SGCG: variants seen among roughly 807,000 people sequenced by gnomAD.
SGCG encodes gamma-sarcoglycan.
Under a neutral mutation model 29.3 loss-of-function variants are expected in SGCG, and 26 were observed. That is an observed-to-expected ratio of 0.89 (90% CI 0.65 to 1.23). SGCG has a LOEUF of 1.23. SGCG is among the 50% of genes most tolerant of loss of function. The probability of loss-of-function intolerance (pLI) is 0.00; values close to 1 mark genes in which losing one functional copy is unlikely to be tolerated. For missense variants in SGCG, 353 were observed against 356.0 expected (o/e 0.99, Z 0.07); for synonymous variants, 145 against 129.7 (o/e 1.12, Z -0.80).
chr13:23,321,278 C>T (rs1255285922), intron 7 of SGCG, among the ~76,000 whole-genome samples: 13 of 152,104 alleles, frequency 8.5e-5, no homozygotes, highest in Admixed American at 8.5e-4. Context: ...ATACAGTTGT[C>T]CCCCTTTATT....
chr13:23,260,829 A>C (rs7399658), intron 4 of SGCG, among the ~76,000 whole-genome samples: 10 of 151,976 alleles, frequency 6.6e-5, no homozygotes. Flanking sequence ...TTCTGGGTTG[A>C]AAATTCTTTT....
intron 6 of SGCG, among the ~76,000 whole-genome samples, chr13:23,319,373 C>A (rs1276176687): frequency 6.6e-6 from 1 of 151,798 alleles, no homozygotes; most frequent in Non-Finnish European, 1.5e-5. Context: ...CCAAAGTGTT[C>A]CCCAGCCTAA....
intron 6 of SGCG, among the ~76,000 whole-genome samples, chr13:23,302,045 A>G (rs549606922): frequency 2.0e-5 from 3 of 152,246 alleles, no homozygotes; most frequent in South Asian, 4.1e-4. Context: ...TTTAAAACGT[A>G]CGGATGGAAT....
chr13:23,296,721 T>G (rs1012315913), intron 6 of SGCG, among the ~76,000 whole-genome samples: 1 of 152,170 alleles, frequency 6.6e-6, no homozygotes. Flanking sequence ...TTAGCATACT[T>G]TCCTCACCCT....
chr13:23,212,656 G>A (rs1878270742), intron 2 of SGCG, among the ~76,000 whole-genome samples: 1 of 152,178 alleles, frequency 6.6e-6, no homozygotes, highest in Admixed American at 6.5e-5. Context: ...AAATTAGACA[G>A]GATGTGAAAG....
intron 3 of SGCG, among the ~76,000 whole-genome samples, chr13:23,243,194 C>T (rs1404684739): frequency 6.6e-6 from 1 of 152,158 alleles, no homozygotes; most frequent in Non-Finnish European, 1.5e-5. Context: ...CTAATAGGAG[C>T]TTTTAGTCTC....
rs568050850 is a variant in SGCG, at chr13:23,263,662, G to A, written c.385+12945G>A. Among the ~76,000 whole-genome samples, 4 of 152,162 alleles carry A rather than the reference G, an allele frequency of 2.6e-5. No individual in the cohort carries two copies. The South Asian group carries it at 8.3e-4, about 32-fold the overall frequency. ...AAAACTACAGACTAATATCCCCAAA[G>A]AATATAGATGCAAAAATCCTCAACA... On this transcript the variant is annotated intron_variant, in intron 4 of 7. Coordinates refer to ENST00000218867, the MANE Select transcript of SGCG (RefSeq NM_000231.3).
intron 2 of SGCG, among the ~76,000 whole-genome samples, chr13:23,232,626 C>CA (rs1879154665): frequency 6.6e-6 from 1 of 151,940 alleles, no homozygotes; most frequent in Middle Eastern, 3.4e-3. Context: ...ATTAAAAATA[C>CA]AAAAAATTAG....
chr13:23,230,135 G>C (rs1879053876), intron 2 of SGCG, among the ~76,000 whole-genome samples: 4 of 152,018 alleles, frequency 2.6e-5, no homozygotes, highest in Admixed American at 1.3e-4. Flanking sequence ...CTGTTCTTTT[G>C]GTCTGTGTCT....
At chr13:23,252,810 T>C (rs77593524) in intron 4 of SGCG, among the ~76,000 whole-genome samples, 4,182 of 152,264 alleles carry the variant, frequency 0.027, 78 homozygotes, top group Admixed American at 0.045. Flanking sequence ...TTAGATATAA[T>C]ATAAACCTGC....
intron 6 of SGCG, among the ~76,000 whole-genome samples, chr13:23,317,013 T>C (rs1566046113): frequency 6.6e-6 from 1 of 152,140 alleles, no homozygotes; most frequent in Non-Finnish European, 1.5e-5. Flanking sequence ...GAGACCATCC[T>C]GGCTAACACA....
chr13:23,313,112 T>G (rs1393693245), intron 6 of SGCG, among the ~76,000 whole-genome samples: 1 of 152,102 alleles, frequency 6.6e-6, no homozygotes, highest in Non-Finnish European at 1.5e-5. Flanking sequence ...AATAAGAGCC[T>G]GAAAAAGCTT....
chr13:23,234,569 G>C, intron 2 of SGCG, 42 bp from the exon 3 acceptor site: 1 of 1,319,500 alleles, frequency 7.6e-7, no homozygotes, highest in South Asian at 1.2e-5. Context: ...GAAAAAGCAA[G>C]CAATAAAAAT....
chr13:23,285,222 C>T (rs1245775782), intron 5 of SGCG, among the ~76,000 whole-genome samples: 4 of 152,218 alleles, frequency 2.6e-5, no homozygotes, highest in Non-Finnish European at 5.9e-5. Flanking sequence ...CGCCCCTTCC[C>T]CCAGGTGCTG....
At chr13:23,201,389 G>A (rs542216763) in intron 1 of SGCG, among the ~76,000 whole-genome samples, 1 of 152,278 alleles carries the variant, frequency 6.6e-6, no homozygotes, top group Admixed American at 6.5e-5. Flanking sequence ...CTCTGCAGGT[G>A]TGGTTATGCC....
At chr13:23,207,868 G>A (rs1467224630) in intron 2 of SGCG, among the ~76,000 whole-genome samples, 1 of 152,122 alleles carries the variant, frequency 6.6e-6, no homozygotes, top group Admixed American at 6.6e-5. Flanking sequence ...AAATGGTGCA[G>A]CCACTATGGA....
intron 6 of SGCG, among the ~76,000 whole-genome samples, chr13:23,304,593 C>CA (rs1555246295): frequency 6.9e-6 from 1 of 144,762 alleles, no homozygotes; most frequent in African/African-American, 2.5e-5. Context: ...ACTAAATAGG[C>CA]TTTTTTTTTT....
chr13:23,226,129 C>T (rs980223280), intron 2 of SGCG, among the ~76,000 whole-genome samples: 38 of 152,184 alleles, frequency 2.5e-4, no homozygotes, highest in African/African-American at 8.9e-4. Context: ...GGGTTCTACT[C>T]ACCCAGTGAT....
At chr13:23,310,044 T>C (rs1337383480) in intron 6 of SGCG, among the ~76,000 whole-genome samples, 1 of 151,582 alleles carries the variant, frequency 6.6e-6, no homozygotes, top group African/African-American at 2.4e-5. Context: ...TGTTAACATC[T>C]TCTATATACT....
Sources: allele counts gnomAD v4.1 joint callset (sites outside exome capture counted in the v4.1 genomes callset), GRCh38; gene constraint gnomAD v4.1.1; transcripts MANE v1.5; gene names NCBI Gene and HGNC (gene_info 2026-07-23, HGNC 2026-07-21).